ACADSB: variants seen among roughly 807,000 people sequenced by gnomAD.
ACADSB encodes the protein acyl-CoA dehydrogenase short/branched chain, also known as short/branched chain specific acyl-CoA dehydrogenase, mitochondrial.
ACADSB carries 40 observed loss-of-function variants against 54.1 expected under a neutral mutation model. The ratio of observed to expected loss-of-function variants is 0.74; its 90% CI spans 0.57 to 0.96. The LOEUF (loss-of-function observed/expected upper bound fraction) is 0.96. Among genes scored for constraint, ACADSB ranks in the 40% least tolerant of loss-of-function variants. The pLI, the probability that ACADSB is intolerant of heterozygous loss-of-function variation, is 0.00. For missense variants in ACADSB, 530 were observed against 510.4 expected (o/e 1.04, Z -0.37); for synonymous variants, 182 against 182.8 (o/e 1.00, Z 0.03).
At chr10:123,046,423 A>C (rs1296648717) in intron 7 of ACADSB, among the ~76,000 whole-genome samples, 7 of 152,206 alleles carry the variant, frequency 4.6e-5, no homozygotes, top group Non-Finnish European at 1.0e-4. Context: ...ATAGATATGA[A>C]AGTTGGTTAG....
intron 1 of ACADSB, among the ~76,000 whole-genome samples, chr10:123,014,146 G>C (rs1322065079): frequency 6.6e-6 from 1 of 152,020 alleles, no homozygotes; most frequent in African/African-American, 2.4e-5. Flanking sequence ...GCCTTCTCTT[G>C]CTCTCTCTTT....
In ACADSB at chr10:123,040,183, TA is replaced by T. The variant is rs11363649; in HGVS notation, c.304-265del. ...CAACATGGCGAAACCCCATCTCTAC[TA>T]AAAAAAAAAAAAAAAAATTAGCTGG... On this transcript the variant is annotated intron_variant, in intron 3 of 10. Transcript: ENST00000358776. 0.59 allele frequency among the ~76,000 whole-genome samples: 81,095 copies of T among 138,608 alleles called. 23,950 individuals carry two copies. Among genetic ancestry groups the T allele is most frequent in the East Asian group, 0.86 (4,009 of 4,682 alleles). The allele number at this position is 138,608 out of a possible 152,430, so 90.9% of individuals were successfully genotyped here.
chr10:123,030,251 C>T lies in ACADSB; in HGVS notation c.43-4105C>T, dbSNP rs369149171. On this transcript the variant is annotated intron_variant, in intron 1 of 10. Coordinates refer to ENST00000358776, the MANE Select transcript of ACADSB (RefSeq NM_001609.4). ...TAAGAATTTCTCCTTTCTAGCTGGGCACGGTGGCTCACGCCAGTAATCCCA... is the reference window on the plus strand; with the variant it reads ...TAAGAATTTCTCCTTTCTAGCTGGGTACGGTGGCTCACGCCAGTAATCCCA... 3.5e-4 allele frequency among the ~76,000 whole-genome samples: 54 copies of T among 152,222 alleles called. No individual in the cohort carries two copies. The South Asian group carries it at 0.011, about 30-fold the overall frequency.
rs142551485 is a variant in ACADSB, at chr10:123,043,080, G to C, written c.716G>C (p.Arg239Pro). The C allele has an allele frequency of 1.2e-6, 2 of 1,613,694 alleles. No homozygotes were observed. Among genetic ancestry groups the C allele is most frequent in the African/African-American group, 2.7e-5 (2 of 74,894 alleles). The change falls in exon 6 of 11, where the codon CGT becomes CCT. Residue 239 changes from arginine (R) to proline (P), a missense_variant. By Grantham distance (103) the Arg-to-Pro change is moderately radical. Coordinates refer to ENST00000358776, the MANE Select transcript of ACADSB (RefSeq NM_001609.4). ...YKGITSFLVDRDTPGLHIGKP... is the reference protein window; with the variant it reads ...YKGITSFLVDPDTPGLHIGKP... ...GGAATTACCTCCTTCTTAGTAGATCGTGATACTCCGGGCCTTCATATAGGG... is the reference window on the plus strand; with the variant it reads ...GGAATTACCTCCTTCTTAGTAGATCCTGATACTCCGGGCCTTCATATAGGG...
intron 1 of ACADSB, among the ~76,000 whole-genome samples, chr10:123,021,064 G>C (rs1196924463): frequency 6.6e-6 from 1 of 152,160 alleles, no homozygotes; most frequent in Admixed American, 6.5e-5. Flanking sequence ...TCTGTCTCCT[G>C]TCTTCTTCTT....
chr10:123,022,684 C>A (rs929235726), intron 1 of ACADSB, among the ~76,000 whole-genome samples: 1 of 151,954 alleles, frequency 6.6e-6, no homozygotes, highest in East Asian at 1.9e-4. Flanking sequence ...TGTGTTAATT[C>A]GAATTCTTAT....
intron 1 of ACADSB, among the ~76,000 whole-genome samples, chr10:123,020,564 T>G (rs1190191278): frequency 1.3e-5 from 2 of 152,214 alleles, no homozygotes; most frequent in African/African-American, 4.8e-5. Flanking sequence ...TGTGCAGATC[T>G]TTGAACTTCT....
At chr10:123,036,765 G>C (rs1850404336) in intron 2 of ACADSB, among the ~76,000 whole-genome samples, 1 of 152,180 alleles carries the variant, frequency 6.6e-6, no homozygotes, top group African/African-American at 2.4e-5. Context: ...AGTCAGGAAA[G>C]GCTTCCCAGA....
At chr10:123,046,355 G>T (rs2133487278) in intron 7 of ACADSB, among the ~76,000 whole-genome samples, 1 of 152,308 alleles carries the variant, frequency 6.6e-6, no homozygotes, top group South Asian at 2.1e-4. Context: ...CATAATTACT[G>T]ATTTAGTGGC....
chr10:123,057,010 C>T lies in ACADSB; in HGVS notation c.*3245C>T, dbSNP rs1850717617. On this transcript the variant is annotated 3_prime_UTR_variant, in exon 11 of 11. Transcript: ENST00000358776. Reference sequence around the variant, plus strand: ...AACCCACTCATTCACTCTTTCAGAACAAAAAGACAGTCATCTGATAAGAGT... The same window carrying T: ...AACCCACTCATTCACTCTTTCAGAATAAAAAGACAGTCATCTGATAAGAGT... 1 of 152,588 alleles carries T rather than the reference C, an allele frequency of 6.6e-6. No homozygotes were observed. The highest frequency in any genetic ancestry group is 1.5e-5 in the Non-Finnish European group (1 of 68,018). The allele number at this position is 152,588 out of a possible 1,614,324, so 9.5% of individuals were successfully genotyped here. A position where few individuals can be genotyped will look rare whatever the true frequency, so the allele number is the denominator to read the frequency against.
At chr10:123,034,281 G>A (rs1447999840) in intron 1 of ACADSB, 75 bp from the exon 2 acceptor site, 3 of 1,482,406 alleles carry the variant, frequency 2.0e-6, no homozygotes, top group Non-Finnish European at 1.9e-6. Flanking sequence ...TGAAATATAA[G>A]AATGGGTTAT....
chr10:123,020,444 C>T lies in ACADSB; in HGVS notation c.42+11373C>T, dbSNP rs571735452. Among the ~76,000 whole-genome samples the T allele has an allele frequency of 2.0e-5, 3 of 152,338 alleles. No individual in the cohort carries two copies. The East Asian group carries it at 5.8e-4, about 29-fold the overall frequency. ...CAACTCTGGGATTCCAAATGGGTCG[C>T]TGCACCATGATAGGGATGTACCACA... On this transcript the variant is annotated intron_variant, in intron 1 of 10. Transcript: ENST00000358776.
At chr10:123,029,315 C>T (rs1850295363) in intron 1 of ACADSB, among the ~76,000 whole-genome samples, 1 of 150,622 alleles carries the variant, frequency 6.6e-6, no homozygotes, top group Admixed American at 6.6e-5. Flanking sequence ...CACTGCACTC[C>T]AGCCTGGGTG....
intron 8 of ACADSB, among the ~76,000 whole-genome samples, chr10:123,049,945 G>A (rs1014123358): frequency 1.3e-5 from 2 of 152,180 alleles, no homozygotes; most frequent in Admixed American, 1.3e-4. Flanking sequence ...ATACCATAAA[G>A]TGAAAAGATA....
chr10:123,022,431 T>C (rs546782061), intron 1 of ACADSB, among the ~76,000 whole-genome samples: 1 of 152,368 alleles, frequency 6.6e-6, no homozygotes, highest in East Asian at 1.9e-4. Context: ...TCTAGAGTAG[T>C]TAATTTTGAG....
chr10:123,009,094 T>TC, intron 1 of ACADSB, 23 bp downstream of exon 1: 1 of 1,543,572 alleles, frequency 6.5e-7, no homozygotes, highest in Non-Finnish European at 8.7e-7. Context: ...GAGGCTGGCG[T>TC]CCTGGGGGCC....
At chr10:123,013,772 G>A (rs1564745331) in intron 1 of ACADSB, among the ~76,000 whole-genome samples, 1 of 152,222 alleles carries the variant, frequency 6.6e-6, no homozygotes, top group Non-Finnish European at 1.5e-5. Flanking sequence ...ACTGCCCGGG[G>A]CCGCAGGGCC....
chr10:123,009,037 G>C lies in ACADSB; in HGVS notation c.8G>C (p.Gly3Ala). ME[G>A]LAVRLLRGSR... Reference sequence around the variant, plus strand: ...GAGAGGCCTGCGGCGAGGATGGAGGGCCTGGCAGTGCGGTTGCTGCGCGGC... The same window carrying C: ...GAGAGGCCTGCGGCGAGGATGGAGGCCCTGGCAGTGCGGTTGCTGCGCGGC... The change falls in exon 1 of 11, where the codon GGC (glycine) becomes GCC (alanine). Residue 3 changes from glycine to alanine, a missense_variant. Physicochemically the swap from Gly to Ala is moderately conservative, Grantham distance 60. Transcript: ENST00000358776. The C allele has an allele frequency of 1.9e-6, 3 of 1,548,048 alleles. No individual in the cohort carries two copies. The highest frequency in any genetic ancestry group is 2.6e-6 in the Non-Finnish European group (3 of 1,146,832).
At chr10:123,021,266 A>G (rs1462460673) in intron 1 of ACADSB, among the ~76,000 whole-genome samples, 4 of 152,246 alleles carry the variant, frequency 2.6e-5, no homozygotes, top group African/African-American at 9.6e-5. Flanking sequence ...CAGTTTGACT[A>G]TAAGATGGGA....
Sources: allele counts gnomAD v4.1 joint callset (sites outside exome capture counted in the v4.1 genomes callset), GRCh38; gene constraint gnomAD v4.1.1; transcripts MANE v1.5; gene names NCBI Gene and HGNC (gene_info 2026-07-23, HGNC 2026-07-21).